The following DMD variants were observed in gnomAD, a reference collection of about 807,000 sequenced individuals.
DMD encodes dystrophin, also known as mutant dystrophin.
A neutral mutation model predicts 330.1 loss-of-function variants in DMD; 63 were observed. That is an observed-to-expected ratio of 0.19 (90% CI 0.16 to 0.24). The LOEUF is 0.24. DMD is among the 10% of genes least tolerant of loss of function. The pLI is 1.00. For synonymous variants in DMD, 1,223 were observed against 959.8 expected (o/e 1.27, Z -5.07); for missense variants, 3,344 against 2,684.1 (o/e 1.25, Z -5.43).
At chrX:31,733,133 GA>G (rs910968562) in intron 51 of DMD, among the ~76,000 whole-genome samples, 2 of 110,539 alleles carry the variant, frequency 1.8e-5, no homozygotes, top group Non-Finnish European at 3.8e-5. Flanking sequence ...AAAGATGGAG[GA>G]AAAAAAATTC....
At chrX:33,244,035 A>G (rs764623380) in intron 1 of DMD, among the ~76,000 whole-genome samples, 6 of 112,376 alleles carry the variant, frequency 5.3e-5, no homozygotes, top group African/African-American at 1.9e-4. Flanking sequence ...TAGGGGTTCT[A>G]TAACATTATG....
chrX:31,690,350 C>T (rs2083027392), intron 52 of DMD, among the ~76,000 whole-genome samples: 1 of 112,001 alleles, frequency 8.9e-6, no homozygotes, highest in Non-Finnish European at 1.9e-5. Flanking sequence ...TTTATGCAGC[C>T]AAAAGACACA....
chrX:32,091,000 G>C (rs1006823532), intron 44 of DMD, among the ~76,000 whole-genome samples: 2 of 112,089 alleles, frequency 1.8e-5, no homozygotes, highest in African/African-American at 6.5e-5. Context: ...AGCCAGCTCT[G>C]GCTTAAATGT....
At chrX:33,011,037 T>C (rs1455244101) in intron 2 of DMD, among the ~76,000 whole-genome samples, 1 of 111,672 alleles carries the variant, frequency 9.0e-6, no homozygotes, top group Admixed American at 9.6e-5. Flanking sequence ...GTGCATGGTA[T>C]CAAACAACTC....
chrX:32,790,484 C>CT (rs2075735928), intron 7 of DMD, among the ~76,000 whole-genome samples: 1 of 111,693 alleles, frequency 9.0e-6, no homozygotes, highest in Non-Finnish European at 1.9e-5. Context: ...TCCACAAACT[C>CT]TAGAGTCCTA....
chrX:32,978,294 A>T (rs2092610036), intron 2 of DMD, among the ~76,000 whole-genome samples: 1 of 111,633 alleles, frequency 9.0e-6, no homozygotes, highest in South Asian at 3.8e-4. Context: ...ACCCTTTGCT[A>T]TATAGCTGCC....
intron 34 of DMD, among the ~76,000 whole-genome samples, chrX:32,378,679 A>G (rs2097913503): frequency 9.0e-6 from 1 of 111,323 alleles, no homozygotes; most frequent in African/African-American, 3.2e-5. Flanking sequence ...AATAATAAAA[A>G]AGAAATTGAC....
intron 11 of DMD, among the ~76,000 whole-genome samples, chrX:32,623,088 C>T (rs1209931972): frequency 8.9e-6 from 1 of 111,768 alleles, no homozygotes; most frequent in African/African-American, 3.3e-5. Flanking sequence ...CCAAGTATGC[C>T]CTTCAGTAAA....
intron 55 of DMD, among the ~76,000 whole-genome samples, chrX:31,522,325 TTCTCTCTCTCTC>T (rs1193302041): frequency 1.2e-4 from 6 of 51,335 alleles, no homozygotes; most frequent in Non-Finnish European, 1.8e-4. Flanking sequence ...AGATCAAAAT[TTCTCTCTCTCTC>T]TCTCTCTCTC....
intron 48 of DMD, among the ~76,000 whole-genome samples, chrX:31,863,157 C>T (rs2093737950): frequency 8.9e-6 from 1 of 112,178 alleles, no homozygotes; most frequent in African/African-American, 3.2e-5. Flanking sequence ...TCCTGGCTAA[C>T]ATGGTGAAAC....
At chrX:31,951,697 AT>A (rs1289773282) in intron 45 of DMD, among the ~76,000 whole-genome samples, 2 of 111,205 alleles carry the variant, frequency 1.8e-5, no homozygotes. Flanking sequence ...CAATGTTATA[AT>A]TTTTATGCAA....
chrX:32,187,078 C>T (rs1198987051), intron 44 of DMD, among the ~76,000 whole-genome samples: 7 of 109,860 alleles, frequency 6.4e-5, no homozygotes, highest in Non-Finnish European at 1.3e-4. Flanking sequence ...AAGGGGCCAT[C>T]CAAGAAAAAA....
chrX:33,136,013 T>C (rs781223191), intron 1 of DMD, among the ~76,000 whole-genome samples: 63 of 111,389 alleles, frequency 5.7e-4, no homozygotes, highest in Non-Finnish European at 4.3e-4. Context: ...GTGTATATTA[T>C]TTTGTATTAT....
At chrX:33,216,720 AT>A (rs1381528115) in intron 1 of DMD, among the ~76,000 whole-genome samples, 5 of 112,093 alleles carry the variant, frequency 4.5e-5, no homozygotes, top group African/African-American at 1.6e-4. Context: ...ACTCATACAC[AT>A]TTTTTTAAAT....
chrX:32,823,148 C>T (rs755126712), intron 5 of DMD, 147 bp downstream of exon 5: 60 of 473,702 alleles, frequency 1.3e-4, no homozygotes, highest in South Asian at 9.9e-4. Context: ...ACATTTCAGA[C>T]GACATGGTAG....
At chrX:32,500,632 A>G (rs2043957980) in intron 19 of DMD, among the ~76,000 whole-genome samples, 1 of 111,866 alleles carries the variant, frequency 8.9e-6, no homozygotes, top group Non-Finnish European at 1.9e-5. Context: ...TAACATGAAT[A>G]TGCTGTTAAG....
At chrX:32,570,105 T>C (rs758580043) in intron 15 of DMD, among the ~76,000 whole-genome samples, 1 of 111,404 alleles carries the variant, frequency 9.0e-6, no homozygotes, top group African/African-American at 3.3e-5. Flanking sequence ...CCCACCTCAA[T>C]GGCAAGCAGG....
intron 19 of DMD, among the ~76,000 whole-genome samples, chrX:32,494,210 C>A (rs1017688791): frequency 9.0e-6 from 1 of 110,918 alleles, no homozygotes; most frequent in Non-Finnish European, 1.9e-5. Context: ...GTTTTGCCCC[C>A]CAAAAAATGT....
intron 13 of DMD, 90 bp from the exon 14 acceptor site, chrX:32,573,936 C>T (rs1349114115): frequency 2.8e-6 from 2 of 714,073 alleles, no homozygotes; most frequent in Non-Finnish European, 4.4e-6. Flanking sequence ...CAAAGTATCT[C>T]AGTCTCCTAT....
Sources: gnomAD v4.1 joint callset for allele counts (sites outside exome capture counted in the v4.1 genomes callset) on GRCh38, gnomAD v4.1.1 for gene constraint, MANE v1.5 for transcripts, NCBI Gene and HGNC (gene_info 2026-07-23, HGNC 2026-07-21) for gene names.